Variants in RNF144A observed in about 807,000 individuals in gnomAD.
RNF144A encodes ring finger protein 144A.
In RNF144A, 11 loss-of-function variants were observed where a neutral mutation model predicts 38.7. That is an observed-to-expected ratio of 0.28 (90% confidence interval 0.18 to 0.47). The LOEUF is 0.47. RNF144A is among the 20% of genes least tolerant of loss of function. The probability of loss-of-function intolerance (pLI) is 0.99; values close to 1 mark genes in which losing one functional copy is unlikely to be tolerated. For missense variants in RNF144A, 316 were observed against 377.2 expected (o/e 0.84, Z 1.34); for synonymous variants, 149 against 143.9 (o/e 1.04, Z -0.25).
intron 1 of RNF144A, among the ~76,000 whole-genome samples, chr2:6,919,908 A>G (rs1311956342): frequency 5.3e-5 from 8 of 152,338 alleles, no homozygotes; most frequent in South Asian, 2.1e-4. Flanking sequence ...GGGAAACTCA[A>G]AGAGCATTGT....
At chr2:7,021,047 G>A (rs1046837325) in intron 6 of RNF144A, among the ~76,000 whole-genome samples, 17 of 152,074 alleles carry the variant, frequency 1.1e-4, no homozygotes, top group African/African-American at 4.1e-4. Context: ...CTGAAATGGG[G>A]GTACAGAAAC....
At chr2:7,010,735 G>A (rs768667665) in intron 3 of RNF144A, among the ~76,000 whole-genome samples, 3 of 151,936 alleles carry the variant, frequency 2.0e-5, no homozygotes, top group Non-Finnish European at 4.4e-5. Flanking sequence ...CTTTTTTCCT[G>A]CAATGCCTTT....
At chr2:7,050,338 G>C (rs138598856) in intron 6 of RNF144A, among the ~76,000 whole-genome samples, 11 of 152,334 alleles carry the variant, frequency 7.2e-5, no homozygotes, top group Admixed American at 2.0e-4. Flanking sequence ...CTGCCGCCAA[G>C]TAAGACATGA....
intron 8 of RNF144A, 139 bp downstream of exon 8, chr2:7,030,354 C>T (rs917121947): frequency 1.5e-6 from 1 of 678,850 alleles, no homozygotes; most frequent in African/African-American, 1.8e-5. Context: ...CGAAGATCTC[C>T]TGGATAGAAA....
chr2:6,925,422 A>C (rs2103271775), intron 1 of RNF144A, among the ~76,000 whole-genome samples: 1 of 152,332 alleles, frequency 6.6e-6, no homozygotes, highest in Admixed American at 6.5e-5. Context: ...GTGAGACACT[A>C]AGAAACCATC....
chr2:6,935,148 T>C (rs374894083), intron 1 of RNF144A, among the ~76,000 whole-genome samples: 58 of 152,310 alleles, frequency 3.8e-4, no homozygotes, highest in South Asian at 1.7e-3. Flanking sequence ...TTTGTCCTCC[T>C]CCGCATTCAT....
intron 2 of RNF144A, among the ~76,000 whole-genome samples, chr2:6,965,209 A>G (rs1056295838): frequency 6.6e-6 from 1 of 152,218 alleles, no homozygotes; most frequent in African/African-American, 2.4e-5. Flanking sequence ...CCTTGCAGAC[A>G]CATGCACTGG....
chr2:6,933,561 A>T (rs1665344512), intron 1 of RNF144A, among the ~76,000 whole-genome samples: 1 of 152,232 alleles, frequency 6.6e-6, no homozygotes, highest in Non-Finnish European at 1.5e-5. Context: ...CTGTATCAAA[A>T]GTCTTTAGCC....
rs956518602 is a variant in RNF144A at position 7,043,164 on chromosome 2, G to A, written c.*3404G>A. 7.1e-6 allele frequency: 7 copies of A among 985,024 alleles called. No homozygotes were observed. The highest frequency in any genetic ancestry group is 1.1e-4 in the East Asian group (1 of 8,814). The allele number at this position is 985,024 out of a possible 1,614,324, so 61.0% of individuals were successfully genotyped here. On this transcript the variant is annotated 3_prime_UTR_variant, in exon 9 of 9. Transcript: ENST00000320892. ...ATTACAGGCCTGAGCCACCCCACCC[G>A]GCCTATTTTCTTAAAGGGGAACAAA... is the stretch of plus-strand genomic sequence containing the variant.
chr2:7,059,899 G>A lies in RNF144A; in HGVS notation c.735-8317G>A, dbSNP rs539993544. ...TTTAATTTTCTTCTCTTGAGTAAAAGTGGCGCTGCAGGTAGAAAAATAAAG... is the reference window on the plus strand; with the variant it reads ...TTTAATTTTCTTCTCTTGAGTAAAAATGGCGCTGCAGGTAGAAAAATAAAG... On this transcript the variant is annotated intron_variant, in intron 6 of 6. Coordinates refer to the RNF144A transcript ENST00000432850. Among the ~76,000 whole-genome samples the A allele has an allele frequency of 2.6e-4, 40 of 152,332 alleles. No individual in the cohort carries two copies. In the South Asian group the frequency reaches 7.7e-3, roughly 29 times the overall value.
At chr2:7,037,108 A>G (rs757260594) in intron 8 of RNF144A, among the ~76,000 whole-genome samples, 12 of 152,190 alleles carry the variant, frequency 7.9e-5, no homozygotes, top group Admixed American at 6.5e-5. Context: ...GTGATCAAGT[A>G]TCTGACACAC....
downstream of RNF144A, among the ~76,000 whole-genome samples, chr2:7,071,103 T>G (rs1327814045): frequency 6.6e-6 from 1 of 151,886 alleles, no homozygotes; most frequent in East Asian, 1.9e-4. Flanking sequence ...CCAGGCTAAT[T>G]TTTTGTATTT....
chr2:7,001,169 G>A lies in RNF144A; in HGVS notation c.135+4108G>A, dbSNP rs943807214. ...ACAAAAAGTATCTGGGCGTGGTGGC[G>A]TGTGCCTGTAATCCCAGCTACTCAG... On this transcript the variant is annotated intron_variant, in intron 3 of 8. Transcript: ENST00000320892. Among the ~76,000 whole-genome samples the A allele has an allele frequency of 1.3e-4, 20 of 150,914 alleles. No homozygotes were observed. In the East Asian group the frequency reaches 3.0e-3, roughly 23 times the overall value.
At chr2:6,955,482 A>G (rs1413908880) in intron 2 of RNF144A, among the ~76,000 whole-genome samples, 2 of 152,134 alleles carry the variant, frequency 1.3e-5, no homozygotes, top group Admixed American at 6.5e-5. Context: ...GACCGAGTCA[A>G]TTCTTCTCAG....
downstream of RNF144A, among the ~76,000 whole-genome samples, chr2:7,072,143 C>A (rs918653345): frequency 1.3e-5 from 2 of 152,192 alleles, no homozygotes; most frequent in African/African-American, 2.4e-5. Context: ...TGGCATTGGG[C>A]AATGAGCAGA....
chr2:7,037,269 G>A (rs1672742001), intron 8 of RNF144A, among the ~76,000 whole-genome samples: 1 of 152,196 alleles, frequency 6.6e-6, no homozygotes, highest in Admixed American at 6.5e-5. Flanking sequence ...CAAACAGCAG[G>A]CAAATTTAGA....
chr2:7,003,851 A>G (rs1670272904), intron 3 of RNF144A, among the ~76,000 whole-genome samples: 1 of 152,182 alleles, frequency 6.6e-6, no homozygotes, highest in South Asian at 2.1e-4. Context: ...GCATTTTCTT[A>G]TGATCCCCAC....
rs1315572696 is a variant in RNF144A, at chr2:6,941,793, A to G, written c.-12+646A>G. ...GAGGCGCAGTAACTAGCCACTTAGC[A>G]TCTGGGCAAGAGCGCTGTAGACAGA... On this transcript the variant is annotated intron_variant, in intron 2 of 8. Transcript: ENST00000320892. This position sits in a 1 kb window ranked among gnomAD's most constrained non-coding sequence, Gnocchi z 6.5. 6.6e-6 allele frequency among the ~76,000 whole-genome samples: 1 copy of G among 152,250 alleles called. No homozygotes were observed. Among genetic ancestry groups the G allele is most frequent in the East Asian group, 1.9e-4 (1 of 5,196 alleles).
chr2:6,981,626 T>C (rs1668639086), intron 2 of RNF144A, among the ~76,000 whole-genome samples: 2 of 152,234 alleles, frequency 1.3e-5, no homozygotes, highest in South Asian at 4.1e-4. Flanking sequence ...TCATTGTCGA[T>C]ACGACTGTCA....
Sources: allele counts gnomAD v4.1 joint callset (sites outside exome capture counted in the v4.1 genomes callset), GRCh38; gene constraint gnomAD v4.1.1; non-coding constraint Gnocchi (gnomAD v3.1); transcripts MANE v1.5; gene names NCBI Gene and HGNC (gene_info 2026-07-23, HGNC 2026-07-21).